Variants in INSL6 observed in about 807,000 individuals in gnomAD.
INSL6 encodes insulin-like peptide INSL6.
A neutral mutation model predicts 9.4 loss-of-function variants in INSL6; 16 were observed. The observed-to-expected ratio is 1.70, with a 90% CI of 1.15 to 2.59. The LOEUF (loss-of-function observed/expected upper bound fraction) is 2.59. Ranked by LOEUF, INSL6 falls within the 30% of genes most tolerant of loss-of-function variation. The probability of loss-of-function intolerance (pLI) is 0.00; values close to 1 mark genes in which losing one functional copy is unlikely to be tolerated. For synonymous variants in INSL6, 154 were observed against 96.9 expected (o/e 1.59, Z -3.46); for missense variants, 391 against 257.3 (o/e 1.52, Z -3.56).
chr9:4,995,783 T>G, the INSL6 span, among the ~76,000 whole-genome samples: 1 of 152,260 alleles, frequency 6.6e-6, no homozygotes, highest in South Asian at 2.1e-4. Context: ...TTAGTTATTC[T>G]ATTTAATTCT....
chr9:5,028,286 A>C, the INSL6 span, among the ~76,000 whole-genome samples: 1 of 152,204 alleles, frequency 6.6e-6, no homozygotes, highest in Non-Finnish European at 1.5e-5. Context: ...ATGAGTAATA[A>C]TACTTGGACA....
intron 3 of INSL6, among the ~76,000 whole-genome samples, chr9:5,129,249 T>C (rs1454809603): frequency 1.3e-5 from 2 of 152,096 alleles, no homozygotes; most frequent in African/African-American, 4.8e-5. Context: ...TTCTTTAGCA[T>C]GCTCCCCCTA....
chr9:5,068,852 A>G, the INSL6 span, among the ~76,000 whole-genome samples: 1 of 152,186 alleles, frequency 6.6e-6, no homozygotes, highest in Non-Finnish European at 1.5e-5. Flanking sequence ...GAAATTGTAA[A>G]TTGCCCTTTT....
chr9:5,135,168 C>T (rs1204436367), intron 2 of INSL6, among the ~76,000 whole-genome samples: 2 of 152,060 alleles, frequency 1.3e-5, no homozygotes, highest in Non-Finnish European at 2.9e-5. Context: ...AATACAGGAG[C>T]ACCCAGATCC....
the INSL6 span, among the ~76,000 whole-genome samples, chr9:5,039,733 C>A: frequency 7.6e-3 from 1,155 of 151,958 alleles, 12 homozygotes; most frequent in African/African-American, 0.026. Context: ...ATTTCATTAA[C>A]AATAGCATAA....
At chr9:5,069,814 G>A in the INSL6 span, 1 of 515,020 alleles carries the variant, frequency 1.9e-6, no homozygotes, top group Non-Finnish European at 3.2e-6. Flanking sequence ...GAACAATTAG[G>A]AGTTATTAAG....
chr9:5,059,467 T>C, the INSL6 span, among the ~76,000 whole-genome samples: 1 of 152,198 alleles, frequency 6.6e-6, no homozygotes, highest in Non-Finnish European at 1.5e-5. Flanking sequence ...ATTCTGTTGA[T>C]GGACATTTGG....
chr9:5,054,779 T>G, the INSL6 span: 3 of 1,612,502 alleles, frequency 1.9e-6, no homozygotes, highest in Non-Finnish European at 2.5e-6. This position sits in a 1 kb window ranked among gnomAD's most constrained non-coding sequence, Gnocchi z 4.9. Context: ...AACCTGGAAG[T>G]GGTCCTTCAG....
intron 3 of INSL6, chr9:5,126,875 A>C: frequency 2.9e-6 from 2 of 683,542 alleles, no homozygotes; most frequent in Admixed American, 2.9e-5. Flanking sequence ...ATTATTACAT[A>C]TATCATTATT....
intron 1 of INSL6, among the ~76,000 whole-genome samples, chr9:5,169,219 C>T (rs1006225687): frequency 6.6e-6 from 1 of 152,182 alleles, no homozygotes; most frequent in African/African-American, 2.4e-5. Context: ...AGCCACTGCA[C>T]CCAGCAGATA....
chr9:5,085,143 A>G, the INSL6 span: 2 of 648,092 alleles, frequency 3.1e-6, no homozygotes, highest in Non-Finnish European at 6.0e-6. Flanking sequence ...TCTGTAATAC[A>G]TACTGTGGAG....
At chr9:5,058,342 A>C in the INSL6 span, among the ~76,000 whole-genome samples, 2 of 152,182 alleles carry the variant, frequency 1.3e-5, no homozygotes, top group Non-Finnish European at 2.9e-5. Context: ...GGTGAAGGGC[A>C]AGGAAGCCAT....
chr9:5,155,943 A>G (rs1824807718), intron 2 of INSL6, among the ~76,000 whole-genome samples: 1 of 152,180 alleles, frequency 6.6e-6, no homozygotes, highest in Admixed American at 6.5e-5. Flanking sequence ...AAAAAGACCA[A>G]TACATTTGTA....
chr9:5,006,360 A>G, the INSL6 span, among the ~76,000 whole-genome samples: 1 of 152,164 alleles, frequency 6.6e-6, no homozygotes, highest in Non-Finnish European at 1.5e-5. Flanking sequence ...GACTTTGCTG[A>G]AGTTGCTTAT....
the INSL6 span, among the ~76,000 whole-genome samples, chr9:5,073,323 C>T: frequency 6.6e-6 from 1 of 152,190 alleles, no homozygotes; most frequent in Non-Finnish European, 1.5e-5. Flanking sequence ...AATTCTTTAG[C>T]AAGTGTTATT....
At chr9:5,103,126 C>T in the INSL6 span, among the ~76,000 whole-genome samples, 2 of 146,916 alleles carry the variant, frequency 1.4e-5, no homozygotes, top group Non-Finnish European at 3.0e-5. Context: ...GAAGACCCAT[C>T]ACTGTGCTGT....
At chr9:5,152,224 C>G (rs1244321808) in intron 2 of INSL6, among the ~76,000 whole-genome samples, 1 of 152,138 alleles carries the variant, frequency 6.6e-6, no homozygotes, top group East Asian at 1.9e-4. Flanking sequence ...ATAACACTGT[C>G]AACTAACTTT....
chr9:5,034,593 A>G, the INSL6 span, among the ~76,000 whole-genome samples: 25 of 152,144 alleles, frequency 1.6e-4, no homozygotes, highest in East Asian at 4.6e-3. Flanking sequence ...CTCACTCAAA[A>G]CCACTCAACT....
chr9:5,162,188 A>G (rs1824941312), downstream of INSL6, among the ~76,000 whole-genome samples: 1 of 152,146 alleles, frequency 6.6e-6, no homozygotes, highest in African/African-American at 2.4e-5. Flanking sequence ...CTTAACATGG[A>G]GCCTCAATAT....
Sources: allele counts gnomAD v4.1 joint callset (sites outside exome capture counted in the v4.1 genomes callset), GRCh38; gene constraint gnomAD v4.1.1; non-coding constraint Gnocchi (gnomAD v3.1); transcripts MANE v1.5; gene names NCBI Gene and HGNC (gene_info 2026-07-23, HGNC 2026-07-21).